SAMSN1: variants seen among roughly 807,000 people sequenced by gnomAD.
SAMSN1 encodes SAM domain, SH3 domain and nuclear localization signals 1, also known as SAM domain-containing protein SAMSN-1.
SAMSN1 carries 31 observed loss-of-function variants against 42.0 expected under a neutral mutation model. The observed-to-expected ratio is 0.74, with a 90% CI of 0.55 to 1.00. SAMSN1 has a LOEUF of 1.00. SAMSN1 is among the 50% of genes least tolerant of loss of function. SAMSN1 has a pLI of 0.00. For synonymous variants in SAMSN1, 178 were observed against 151.9 expected (o/e 1.17, Z -1.26); for missense variants, 464 against 439.4 (o/e 1.06, Z -0.50).
At chr21:14,606,886 T>A (rs79105855) in intron 5 of SAMSN1, among the ~76,000 whole-genome samples, 3 of 152,214 alleles carry the variant, frequency 2.0e-5, no homozygotes, top group Non-Finnish European at 4.4e-5. Context: ...GATTAATACA[T>A]CAGACAGAAA....
At chr21:14,514,374 A>G (rs1987815431) in intron 3 of SAMSN1, among the ~76,000 whole-genome samples, 2 of 152,222 alleles carry the variant, frequency 1.3e-5, no homozygotes, top group Admixed American at 6.5e-5. Flanking sequence ...CTATGAAGAC[A>G]CTGAAATTTT....
intron 1 of SAMSN1, among the ~76,000 whole-genome samples, chr21:14,647,431 C>G (rs951360179): frequency 6.8e-6 from 1 of 148,050 alleles, no homozygotes; most frequent in Non-Finnish European, 1.5e-5. Flanking sequence ...ATGCCTCCAG[C>G]TTTGTTCTTT....
intron 2 of SAMSN1, among the ~76,000 whole-genome samples, chr21:14,576,145 A>G (rs1480171900): frequency 6.6e-6 from 1 of 152,098 alleles, no homozygotes; most frequent in East Asian, 1.9e-4. Context: ...TTTAGATTTG[A>G]CCCTGTAGGT....
At chr21:14,653,046 G>C (rs456872) in intron 1 of SAMSN1, among the ~76,000 whole-genome samples, 2 of 151,806 alleles carry the variant, frequency 1.3e-5, no homozygotes, top group Non-Finnish European at 2.9e-5. Context: ...GTAAATGCTG[G>C]TGAAGATGTG....
At chr21:14,613,848 T>C (rs1216166232) in intron 3 of SAMSN1, among the ~76,000 whole-genome samples, 2 of 151,992 alleles carry the variant, frequency 1.3e-5, no homozygotes, top group East Asian at 3.8e-4. Flanking sequence ...ACTTTATATA[T>C]ATTTGAATCT....
intron 1 of SAMSN1, among the ~76,000 whole-genome samples, chr21:14,534,454 A>T (rs948536653): frequency 6.6e-6 from 1 of 152,192 alleles, no homozygotes; most frequent in African/African-American, 2.4e-5. Context: ...AAACAACAAC[A>T]ACAACAACAA....
intron 7 of SAMSN1, among the ~76,000 whole-genome samples, chr21:14,495,514 G>A (rs191849319): frequency 7.5e-4 from 114 of 152,228 alleles, no homozygotes; most frequent in Non-Finnish European, 1.3e-3. Flanking sequence ...TCAGAGTAGT[G>A]TGTTGACAAG....
At chr21:14,512,654 A>C in intron 3 of SAMSN1, 81 bp from the exon 4 acceptor site, 2 of 1,273,980 alleles carry the variant, frequency 1.6e-6, no homozygotes, top group South Asian at 1.3e-5. Flanking sequence ...TTTAATAGAC[A>C]CATATTTTAG....
chr21:14,624,194 C>A (rs1983099243), intron 2 of SAMSN1, among the ~76,000 whole-genome samples: 1 of 152,138 alleles, frequency 6.6e-6, no homozygotes, highest in Admixed American at 6.5e-5. Flanking sequence ...AAAATCAACA[C>A]CCTAACACCA....
chr21:14,577,232 A>ATG lies in SAMSN1; in HGVS notation c.261+4902_261+4903dup, dbSNP rs71735460. On this transcript the variant is annotated intron_variant, in intron 2 of 8. Coordinates refer to the SAMSN1 transcript ENST00000285670. ...CACCATGGTGGGCTAATTTATATAT[A>ATG]TGTGTGTATATATATATATATATAT... 1.5e-3 allele frequency among the ~76,000 whole-genome samples: 87 copies of ATG among 57,068 alleles called. 1 individual carries two copies. Among genetic ancestry groups the ATG allele is most frequent in the Non-Finnish European group, 2.2e-3 (73 of 33,480 alleles). The allele number at this position is 57,068 out of a possible 152,430, so 37.4% of individuals were successfully genotyped here.
intron 2 of SAMSN1, among the ~76,000 whole-genome samples, chr21:14,581,338 A>ATTTTTTTTTTTT (rs1323016699): frequency 2.4e-5 from 1 of 41,522 alleles, no homozygotes; most frequent in Non-Finnish European, 6.1e-5. Flanking sequence ...AGGGGAAATA[A>ATTTTTTTTTTTT]TATTTCTTTT....
At chr21:14,527,409 T>C (rs977038543) in intron 1 of SAMSN1, among the ~76,000 whole-genome samples, 17 of 152,336 alleles carry the variant, frequency 1.1e-4, no homozygotes, top group Non-Finnish European at 7.4e-5. Context: ...GTCAGGAAAC[T>C]GACGGCTAAA....
At chr21:14,494,221 A>T (rs1986814391) in intron 7 of SAMSN1, among the ~76,000 whole-genome samples, 1 of 152,108 alleles carries the variant, frequency 6.6e-6, no homozygotes, top group East Asian at 1.9e-4. Context: ...TCTATACCCA[A>T]AGGATTATAA....
chr21:14,521,086 T>C lies in SAMSN1; in HGVS notation c.129+64A>G, dbSNP rs2123038096. 2.9e-6 allele frequency: 3 copies of C among 1,017,446 alleles called. 1 individual carries two copies. Among genetic ancestry groups the C allele is most frequent in the South Asian group, 3.0e-5 (2 of 67,738 alleles). 63.0% of individuals were successfully genotyped at this position (1,017,446 alleles called of 1,614,324 possible). ...CTTATTTTACTTTGCAAAAGTGACA[T>C]TGTCTTCATAATATTTCATAATGTG... On this transcript the variant is annotated intron_variant, in intron 2 of 7. Coordinates refer to ENST00000400566, the MANE Select transcript of SAMSN1 (RefSeq NM_022136.5).
At chr21:14,601,871 C>A (rs1982441224) in intron 6 of SAMSN1, among the ~76,000 whole-genome samples, 1 of 152,100 alleles carries the variant, frequency 6.6e-6, no homozygotes, top group African/African-American at 2.4e-5. Flanking sequence ...TTCACAGGGA[C>A]ATAAGCATAT....
At chr21:14,546,037 A>G (rs1467800747) in intron 1 of SAMSN1, among the ~76,000 whole-genome samples, 168 bp downstream of exon 1, 1 of 152,220 alleles carries the variant, frequency 6.6e-6, no homozygotes, top group African/African-American at 2.4e-5. Flanking sequence ...GGTGTGATTT[A>G]AAATCTAACT....
chr21:14,548,865 A>G (rs1266302244), upstream of SAMSN1, among the ~76,000 whole-genome samples: 3 of 152,138 alleles, frequency 2.0e-5, no homozygotes, highest in Non-Finnish European at 4.4e-5. Flanking sequence ...AGAATGAAGC[A>G]GAGAGTCAGT....
At chr21:14,568,121 T>C (rs1052222198) in intron 2 of SAMSN1, among the ~76,000 whole-genome samples, 1 of 152,188 alleles carries the variant, frequency 6.6e-6, no homozygotes, top group African/African-American at 2.4e-5. Context: ...AACCACACAT[T>C]GGGAAATACC....
intron 2 of SAMSN1, among the ~76,000 whole-genome samples, chr21:14,556,841 T>C (rs1980777149): frequency 6.6e-6 from 1 of 152,240 alleles, no homozygotes; most frequent in South Asian, 2.1e-4. Flanking sequence ...AAGAAAACTT[T>C]TCCATAACAT....
Sources: allele counts gnomAD v4.1 joint callset (sites outside exome capture counted in the v4.1 genomes callset), GRCh38; gene constraint gnomAD v4.1.1; transcripts MANE v1.5; gene names NCBI Gene and HGNC (gene_info 2026-07-23, HGNC 2026-07-21).